The following LMX1A variants were observed in gnomAD, a reference collection of about 807,000 sequenced individuals.
LMX1A encodes LIM homeobox transcription factor 1-alpha.
Under a neutral mutation model 49.1 loss-of-function variants are expected in LMX1A, and 15 were observed. The observed-to-expected ratio is 0.31, with a 90% confidence interval of 0.20 to 0.47. The LOEUF is 0.47. Among genes scored for constraint, LMX1A ranks in the 20% least tolerant of loss-of-function variants. LMX1A has a pLI of 1.00. For synonymous variants in LMX1A, 167 were observed against 185.7 expected, an observed-to-expected ratio of 0.90 and a Z score of 0.82; for missense variants, 372 against 475.8, an observed-to-expected ratio of 0.78 and a Z score of 2.03.
chr1:165,249,371 C>T, intron 4 of LMX1A, 37 bp downstream of exon 4: 1 of 1,474,334 alleles, frequency 6.8e-7, no homozygotes, highest in Non-Finnish European at 9.5e-7. Flanking sequence ...CCACTCTACC[C>T]ACCCCACCGC....
At chr1:165,232,368 CA>C (rs1342028226) in intron 4 of LMX1A, among the ~76,000 whole-genome samples, 1 of 152,198 alleles carries the variant, frequency 6.6e-6, no homozygotes, top group Non-Finnish European at 1.5e-5. Context: ...AATGCCATTG[CA>C]TGGTTTTATC....
intron 3 of LMX1A, among the ~76,000 whole-genome samples, chr1:165,306,209 A>T (rs1430153852): frequency 6.6e-6 from 1 of 152,102 alleles, no homozygotes; most frequent in African/African-American, 2.4e-5. Context: ...GAAATTGTAG[A>T]TGTGTAACCT....
At chr1:165,235,905 T>A (rs1020709463) in intron 4 of LMX1A, among the ~76,000 whole-genome samples, 6 of 152,056 alleles carry the variant, frequency 3.9e-5, no homozygotes, top group Non-Finnish European at 7.4e-5. Context: ...CGTCCGTGTG[T>A]GTTTCTGCGC....
chr1:165,309,050 C>T (rs1654999338), intron 3 of LMX1A, among the ~76,000 whole-genome samples: 1 of 152,134 alleles, frequency 6.6e-6, no homozygotes, highest in Admixed American at 6.5e-5. Flanking sequence ...TTATGGAAAA[C>T]CTCCCTTTCT....
chr1:165,329,931 T>G (rs1205858381), intron 3 of LMX1A, among the ~76,000 whole-genome samples: 1 of 152,236 alleles, frequency 6.6e-6, no homozygotes, highest in East Asian at 1.9e-4. Context: ...AGGGTTCCAG[T>G]GCTGGCTCTG....
At chr1:165,285,997 T>C (rs774440207) in intron 3 of LMX1A, among the ~76,000 whole-genome samples, 2 of 152,186 alleles carry the variant, frequency 1.3e-5, no homozygotes, top group Admixed American at 1.3e-4. Context: ...TCGAGACTCA[T>C]AGGCTAAAAT....
At chr1:165,296,269 ACG>A (rs1654612004) in intron 3 of LMX1A, among the ~76,000 whole-genome samples, 1 of 152,236 alleles carries the variant, frequency 6.6e-6, no homozygotes, top group South Asian at 2.1e-4. Flanking sequence ...AGTTTCAACA[ACG>A]AAGAGAAATT....
intron 4 of LMX1A, among the ~76,000 whole-genome samples, chr1:165,231,538 C>A (rs1652241670): frequency 6.6e-6 from 1 of 152,130 alleles, no homozygotes; most frequent in African/African-American, 2.4e-5. Flanking sequence ...CCAGCCTTGG[C>A]CACCCAAAGA....
At chr1:165,222,348 T>C (rs775194731) in intron 4 of LMX1A, among the ~76,000 whole-genome samples, 2 of 152,236 alleles carry the variant, frequency 1.3e-5, no homozygotes, top group Admixed American at 6.5e-5. Flanking sequence ...TGGAGTATTA[T>C]ATGCATGACA....
intron 3 of LMX1A, among the ~76,000 whole-genome samples, chr1:165,286,986 C>T (rs1433742610): frequency 2.0e-5 from 3 of 152,208 alleles, no homozygotes; most frequent in East Asian, 1.9e-4. Context: ...CCCCTCTCAC[C>T]GCCTAGTCAG....
At chr1:165,351,812 A>T (rs568493263) in intron 3 of LMX1A, among the ~76,000 whole-genome samples, 9 of 152,346 alleles carry the variant, frequency 5.9e-5, no homozygotes, top group African/African-American at 2.2e-4. Context: ...ATAAACTTCT[A>T]TTTATTCTCA....
At chr1:165,303,903 T>C (rs531926184) in intron 3 of LMX1A, among the ~76,000 whole-genome samples, 2 of 152,302 alleles carry the variant, frequency 1.3e-5, no homozygotes, top group South Asian at 4.1e-4. Flanking sequence ...GCAGATATTA[T>C]ATCTAGTATA....
At chr1:165,349,220 T>G (rs557511457) in intron 3 of LMX1A, among the ~76,000 whole-genome samples, 2 of 152,328 alleles carry the variant, frequency 1.3e-5, no homozygotes, top group East Asian at 1.9e-4. Flanking sequence ...ATTACCACAT[T>G]CCCGTTATTC....
chr1:165,274,436 T>G (rs976542987), intron 3 of LMX1A, among the ~76,000 whole-genome samples: 2 of 152,194 alleles, frequency 1.3e-5, no homozygotes, highest in Admixed American at 1.3e-4. Context: ...TTAATAAATG[T>G]TGGTCAGATT....
At position 165,213,716 on chromosome 1, in the gene LMX1A, C is replaced by T. The variant is rs200303223; in HGVS notation, c.594G>A (p.Pro198=). ...EGKDHKRPKR[P]RTILTTQQRR... ...TCTGTTGAGTTGTCAAGATGGTTCT[C>T]GGACGTTTGGGGCGCTTATGGTCCT... The change falls in exon 5 of 9, where the codon CCG becomes CCA. Residue 198 remains proline, a synonymous_variant. Transcript: ENST00000342310. 1,275 of 1,614,094 alleles carry T rather than the reference C, an allele frequency of 7.9e-4. 3 individuals carry two copies. The highest frequency in any genetic ancestry group is 1.0e-3 in the Non-Finnish European group (1,209 of 1,180,032).
intron 3 of LMX1A, among the ~76,000 whole-genome samples, chr1:165,338,177 A>T (rs1406838209): frequency 6.6e-6 from 1 of 152,158 alleles, no homozygotes; most frequent in Admixed American, 6.5e-5. Context: ...ATCTGGTAAA[A>T]GTCAGGAATA....
rs1651707852 is a variant in LMX1A, at chr1:165,218,126, T to A, written c.497-4313A>T. ...GGCATCAGGCCAGATTTGGCCTGCA[T>A]ACCATAGTTTGCTGACCCCTGCCCT... On this transcript the variant is annotated intron_variant, in intron 4 of 8. Transcript: ENST00000342310. Among the ~76,000 whole-genome samples the A allele has an allele frequency of 2.0e-5, 3 of 152,212 alleles. No individual in the cohort carries two copies. In the South Asian group the frequency reaches 6.2e-4, roughly 32 times the overall value.
rs1453874644 is a variant in LMX1A, at chr1:165,318,997, TCTCA to T, written c.263+34075_263+34078del. On this transcript the variant is annotated intron_variant, in intron 3 of 8. Transcript: ENST00000342310. Reference sequence around the variant, plus strand: ...AGCTGAGATCTCCTCTCTCTCTCTCTCTCACACACACACACACACACACACACAC... The same window carrying T: ...AGCTGAGATCTCCTCTCTCTCTCTCTCACACACACACACACACACACACAC... Among the ~76,000 whole-genome samples, 261 of 67,792 alleles carry T rather than the reference TCTCA, an allele frequency of 3.9e-3. 1 individual carries two copies. Among genetic ancestry groups the T allele is most frequent in the African/African-American group, 0.011 (242 of 21,166 alleles). 44.5% of individuals were successfully genotyped at this position (67,792 alleles called of 152,430 possible).
chr1:165,354,425 A>C (rs1656531002), intron 2 of LMX1A, among the ~76,000 whole-genome samples: 1 of 152,200 alleles, frequency 6.6e-6, no homozygotes, highest in Admixed American at 6.5e-5. Context: ...GACACAGAGT[A>C]AAAAGCGACG....
Sources: gnomAD v4.1 joint callset for allele counts (sites outside exome capture counted in the v4.1 genomes callset) on GRCh38, gnomAD v4.1.1 for gene constraint, MANE v1.5 for transcripts, NCBI Gene and HGNC (gene_info 2026-07-23, HGNC 2026-07-21) for gene names.